Variants in PHLDB2 observed in about 807,000 individuals in gnomAD.
PHLDB2 encodes pleckstrin homology like domain family B member 2.
A neutral mutation model predicts 123.6 loss-of-function variants in PHLDB2; 71 were observed. The observed-to-expected ratio is 0.57, with a 90% CI of 0.47 to 0.70. The LOEUF is 0.70. Ranked by LOEUF, PHLDB2 falls within the 30% of genes least tolerant of loss-of-function variation. PHLDB2 has a pLI of 0.00. For missense variants in PHLDB2, 1,446 were observed against 1,519.5 expected (o/e 0.95, Z 0.80); for synonymous variants, 547 against 541.6 (o/e 1.01, Z -0.14).
intron 1 of PHLDB2, among the ~76,000 whole-genome samples, chr3:111,785,629 T>C (rs1180435127): frequency 3.9e-5 from 6 of 152,168 alleles, no homozygotes; most frequent in African/African-American, 7.2e-5. Context: ...CCTAGTGTTT[T>C]TAACTAATCT....
chr3:111,913,521 C>G lies in PHLDB2; in HGVS notation c.1538C>G (p.Ser513Cys). The change falls in exon 3 of 18, where the codon TCC becomes TGC. Residue 513 changes from serine to cysteine, a missense_variant. By Grantham distance (112) the Ser-to-Cys change is moderately radical. Coordinates refer to ENST00000431670, the MANE Select transcript of PHLDB2 (RefSeq NM_001134438.2). ...AGATACAGGTGCCACCGGAAAGACTCCCTCCCTGATGCAGACTTGGCAAGC... is the reference window on the plus strand; with the variant it reads ...AGATACAGGTGCCACCGGAAAGACTGCCTCCCTGATGCAGACTTGGCAAGC... Reference protein sequence around the residue: ...DTRYRCHRKDSLPDADLASCG... With the variant: ...DTRYRCHRKDCLPDADLASCG... 1 of 1,614,110 alleles carries G rather than the reference C, an allele frequency of 6.2e-7. No individual in the cohort carries two copies. The highest frequency in any genetic ancestry group is 8.5e-7 in the Non-Finnish European group (1 of 1,179,982).
At chr3:111,838,062 C>CA (rs753336412) in intron 1 of PHLDB2, among the ~76,000 whole-genome samples, 1 of 151,962 alleles carries the variant, frequency 6.6e-6, no homozygotes, top group Non-Finnish European at 1.5e-5. Flanking sequence ...ACAACAACAA[C>CA]AACAACAACA....
chr3:111,868,719 A>G (rs2065205139), intron 1 of PHLDB2, among the ~76,000 whole-genome samples: 1 of 152,134 alleles, frequency 6.6e-6, no homozygotes, highest in Admixed American at 6.5e-5. Context: ...ATGTGAGCCT[A>G]ATTGAAGAAA....
chr3:111,798,130 T>A (rs1241987120), intron 1 of PHLDB2, among the ~76,000 whole-genome samples: 1 of 151,842 alleles, frequency 6.6e-6, no homozygotes, highest in Non-Finnish European at 1.5e-5. Context: ...TGAGACCCTA[T>A]CTCAAAAAAT....
At chr3:111,766,436 T>A (rs1267003656) in intron 1 of PHLDB2, among the ~76,000 whole-genome samples, 1 of 122,970 alleles carries the variant, frequency 8.1e-6, no homozygotes, top group Admixed American at 8.4e-5. Context: ...AGAGTGAGAC[T>A]CTGTCTCAAA....
At chr3:111,889,893 G>A (rs552350122) in intron 2 of PHLDB2, among the ~76,000 whole-genome samples, 1 of 152,146 alleles carries the variant, frequency 6.6e-6, no homozygotes, top group East Asian at 1.9e-4. Flanking sequence ...TACAAACAGT[G>A]TTCCCCACCC....
At chr3:111,809,791 G>A (rs2061749384) in intron 1 of PHLDB2, among the ~76,000 whole-genome samples, 1 of 152,158 alleles carries the variant, frequency 6.6e-6, no homozygotes, top group South Asian at 2.1e-4. Flanking sequence ...GTAAAGGTTT[G>A]AAGACAATAG....
At chr3:111,911,409 T>G (rs2067873222) in intron 2 of PHLDB2, among the ~76,000 whole-genome samples, 1 of 152,230 alleles carries the variant, frequency 6.6e-6, no homozygotes, top group Non-Finnish European at 1.5e-5. Flanking sequence ...TAACATCTTG[T>G]CCCTCTCCCT....
chr3:111,874,120 T>A lies in PHLDB2; in HGVS notation c.-14-9944T>A, dbSNP rs747831412. ...TGGAAGTTTGTTTACATCCTTTAAC[T>A]CACAGAATTTTAGGTGTGCAAGTGG... On this transcript the variant is annotated intron_variant, in intron 1 of 17. Transcript: ENST00000431670. Among the ~76,000 whole-genome samples, 1,121 of 152,296 alleles carry A rather than the reference T, an allele frequency of 7.4e-3. 8 individuals carry two copies. Among genetic ancestry groups the A allele is most frequent in the Middle Eastern group, 0.014 (4 of 294 alleles).
At chr3:111,941,331 G>T (rs1293519144) in intron 8 of PHLDB2, among the ~76,000 whole-genome samples, 1 of 152,158 alleles carries the variant, frequency 6.6e-6, no homozygotes, top group Non-Finnish European at 1.5e-5. Flanking sequence ...AGTTAATGGG[G>T]CTAGTCTCAG....
intron 5 of PHLDB2, among the ~76,000 whole-genome samples, chr3:111,931,765 A>G (rs1187082574): frequency 6.6e-6 from 1 of 152,204 alleles, no homozygotes; most frequent in Non-Finnish European, 1.5e-5. Flanking sequence ...ATGTCAATTA[A>G]TACACCTAGA....
chr3:111,770,994 C>T (rs1576550686), intron 1 of PHLDB2, among the ~76,000 whole-genome samples: 1 of 152,176 alleles, frequency 6.6e-6, no homozygotes, highest in African/African-American at 2.4e-5. Context: ...TCATGGCATG[C>T]AGGGGTTTCT....
chr3:111,787,200 C>T lies in PHLDB2; in HGVS notation c.-49+54497C>T, dbSNP rs756101116. 3.5e-4 allele frequency among the ~76,000 whole-genome samples: 53 copies of T among 152,262 alleles called. 1 individual carries two copies. In the Middle Eastern group the frequency reaches 0.01, roughly 29 times the overall value. On this transcript the variant is annotated intron_variant, in intron 1 of 17. Coordinates refer to the PHLDB2 transcript ENST00000393923. ...GACAGCCTACTTGGCCTTTAGATAT[C>T]TCAAATATACCCCAAGAGACTCTAG...
chr3:111,897,179 AT>A (rs1356539933), intron 2 of PHLDB2, among the ~76,000 whole-genome samples: 1 of 152,216 alleles, frequency 6.6e-6, no homozygotes, highest in Non-Finnish European at 1.5e-5. Context: ...ACCATATAGC[AT>A]GTAACCTGTG....
intron 1 of PHLDB2, among the ~76,000 whole-genome samples, chr3:111,761,020 A>G (rs1253752907): frequency 6.6e-6 from 1 of 152,010 alleles, no homozygotes; most frequent in Non-Finnish European, 1.5e-5. Flanking sequence ...CCCCGTCTCT[A>G]CTAAAAATAC....
At chr3:111,901,420 A>G (rs978715017) in intron 2 of PHLDB2, among the ~76,000 whole-genome samples, 6 of 151,644 alleles carry the variant, frequency 4.0e-5, no homozygotes, top group Admixed American at 3.9e-4. Flanking sequence ...AAATAATTGT[A>G]TTATAGTACT....
intron 1 of PHLDB2, among the ~76,000 whole-genome samples, chr3:111,871,829 T>G (rs2065355859): frequency 6.6e-6 from 1 of 152,224 alleles, no homozygotes; most frequent in Non-Finnish European, 1.5e-5. Context: ...GAGAATTTTA[T>G]TTCAAAACAG....
intron 1 of PHLDB2, among the ~76,000 whole-genome samples, chr3:111,865,960 A>C (rs2065045305): frequency 6.8e-6 from 1 of 146,926 alleles, no homozygotes; most frequent in African/African-American, 2.5e-5. Context: ...ATATGATATT[A>C]TCATAATTAT....
intron 1 of PHLDB2, chr3:111,779,853 A>G (rs531644625): frequency 3.0e-6 from 3 of 984,212 alleles, no homozygotes; most frequent in East Asian, 2.3e-4. Context: ...CATCCTCTAT[A>G]TGGAAATACT....
Sources: gnomAD v4.1 joint callset for allele counts (sites outside exome capture counted in the v4.1 genomes callset) on GRCh38, gnomAD v4.1.1 for gene constraint, MANE v1.5 for transcripts, NCBI Gene and HGNC (gene_info 2026-07-23, HGNC 2026-07-21) for gene names.